Variants in WDR70 observed in about 807,000 individuals in gnomAD.
WDR70 encodes WD repeat domain 70.
A neutral mutation model predicts 88.6 loss-of-function variants in WDR70; 53 were observed. The ratio of observed to expected loss-of-function variants is 0.60; its 90% CI spans 0.48 to 0.75. The LOEUF is 0.75. Ranked by LOEUF, WDR70 falls within the 30% of genes least tolerant of loss-of-function variation. WDR70 has a pLI of 0.00. For synonymous variants in WDR70, 280 were observed against 270.0 expected (o/e 1.04, Z -0.36); for missense variants, 610 against 823.2 (o/e 0.74, Z 3.17).
intron 5 of WDR70, among the ~76,000 whole-genome samples, chr5:37,435,076 T>C (rs1750427533): frequency 6.6e-6 from 1 of 152,220 alleles, no homozygotes; most frequent in Non-Finnish European, 1.5e-5. Context: ...CAGTAAAACT[T>C]TGATTTTAAA....
chr5:37,654,327 G>T (rs1057153502), intron 10 of WDR70, among the ~76,000 whole-genome samples: 3 of 152,118 alleles, frequency 2.0e-5, no homozygotes, highest in African/African-American at 7.2e-5. Context: ...CATGATTTCT[G>T]TTCTTTTGCA....
At chr5:37,432,047 T>A (rs1248150433) in intron 5 of WDR70, among the ~76,000 whole-genome samples, 1 of 152,238 alleles carries the variant, frequency 6.6e-6, no homozygotes, top group Non-Finnish European at 1.5e-5. Flanking sequence ...GACTCTGCTT[T>A]CAATTCTTTT....
At chr5:37,384,028 G>C (rs1748518245) in intron 3 of WDR70, among the ~76,000 whole-genome samples, 1 of 152,030 alleles carries the variant, frequency 6.6e-6, no homozygotes. Flanking sequence ...GCAAATCTTG[G>C]ACATCATTTT....
At chr5:37,488,221 A>G (rs1198219568) in intron 8 of WDR70, among the ~76,000 whole-genome samples, 1 of 144,792 alleles carries the variant, frequency 6.9e-6, no homozygotes, top group Non-Finnish European at 1.5e-5. Flanking sequence ...TTTTGCTGTT[A>G]TTAGAATTTC....
At chr5:37,603,053 G>A (rs1208237775) in intron 9 of WDR70, among the ~76,000 whole-genome samples, 3 of 151,920 alleles carry the variant, frequency 2.0e-5, no homozygotes, top group African/African-American at 7.3e-5. Flanking sequence ...AATTAATGTT[G>A]CTGACATGTC....
At chr5:37,594,768 T>A (rs769721354) in intron 9 of WDR70, among the ~76,000 whole-genome samples, 1 of 152,250 alleles carries the variant, frequency 6.6e-6, no homozygotes, top group Non-Finnish European at 1.5e-5. Flanking sequence ...TTCCTATCCA[T>A]GAGCCTGGAA....
intron 10 of WDR70, among the ~76,000 whole-genome samples, chr5:37,606,028 A>T (rs752158904): frequency 6.6e-6 from 1 of 152,172 alleles, no homozygotes; most frequent in Non-Finnish European, 1.5e-5. Flanking sequence ...ACATACTATA[A>T]ACTAGGCACT....
intron 10 of WDR70, among the ~76,000 whole-genome samples, chr5:37,685,073 G>C (rs1048411990): frequency 3.3e-5 from 5 of 152,064 alleles, no homozygotes; most frequent in African/African-American, 1.2e-4. Flanking sequence ...GGAGGGTCCA[G>C]TGTTCTCCAT....
intron 10 of WDR70, among the ~76,000 whole-genome samples, chr5:37,666,113 C>T (rs1342246925): frequency 5.9e-5 from 9 of 152,196 alleles, no homozygotes; most frequent in Admixed American, 2.6e-4. Context: ...AGGGGGGCAC[C>T]GCCGGGCTTT....
intron 8 of WDR70, among the ~76,000 whole-genome samples, chr5:37,481,103 G>A (rs927184984): frequency 7.9e-5 from 12 of 152,302 alleles, no homozygotes; most frequent in South Asian, 6.2e-4. Flanking sequence ...GGGCAGCCCC[G>A]CCCCTGTGGC....
intron 8 of WDR70, 73 bp from the exon 9 acceptor site, chr5:37,516,441 A>C (rs978847535): frequency 4.9e-6 from 4 of 813,724 alleles, no homozygotes; most frequent in Non-Finnish European, 7.9e-6. Context: ...TAAAAATGAC[A>C]TGTCAGTTTC....
rs578084264 is a variant in WDR70, at chr5:37,741,164, C to T, written c.1878-11322C>T. ...GCTCTAGGTTGGAGGCTAAGGCCCT[C>T]TCCAAGGCACCTCCTTTTTGTCCCA... is the stretch of plus-strand genomic sequence containing the variant. On this transcript the variant is annotated intron_variant, in intron 17 of 17. Transcript: ENST00000265107. Among the ~76,000 whole-genome samples the T allele has an allele frequency of 3.9e-5, 6 of 152,004 alleles. No homozygotes were observed. In the East Asian group the frequency reaches 9.7e-4, roughly 25 times the overall value.
chr5:37,575,240 T>G (rs1221128571), intron 9 of WDR70, among the ~76,000 whole-genome samples: 2 of 152,202 alleles, frequency 1.3e-5, no homozygotes, highest in African/African-American at 2.4e-5. Context: ...AAATACGTAT[T>G]TGGTCTCAGT....
chr5:37,669,223 A>G (rs1456125157), intron 10 of WDR70, among the ~76,000 whole-genome samples: 2 of 152,168 alleles, frequency 1.3e-5, no homozygotes, highest in Non-Finnish European at 2.9e-5. Flanking sequence ...TTGTAAATGT[A>G]GATTCCAAAA....
At chr5:37,465,334 C>CACACATTCTG (rs1476051287) in intron 7 of WDR70, among the ~76,000 whole-genome samples, 2 of 152,160 alleles carry the variant, frequency 1.3e-5, no homozygotes, top group East Asian at 3.9e-4. Context: ...TTCACATTGT[C>CACACATTCTG]ACACATTCTA....
intron 16 of WDR70, among the ~76,000 whole-genome samples, chr5:37,725,760 C>T (rs1031235261): frequency 6.6e-6 from 1 of 151,932 alleles, no homozygotes; most frequent in East Asian, 1.9e-4. Context: ...AACTATGCAC[C>T]TTAGTCTCAA....
intron 9 of WDR70, among the ~76,000 whole-genome samples, chr5:37,577,630 CAGA>C (rs1743096801): frequency 1.3e-5 from 2 of 152,024 alleles, no homozygotes; most frequent in African/African-American, 4.8e-5. Flanking sequence ...ATATTCTAGA[CAGA>C]AGGCTACATG....
chr5:37,468,608 A>G (rs1050084344), intron 7 of WDR70, among the ~76,000 whole-genome samples: 4 of 152,124 alleles, frequency 2.6e-5, no homozygotes, highest in African/African-American at 7.2e-5. Context: ...AAAATTCAAA[A>G]TCTACTCTTC....
At chr5:37,648,478 A>C (rs1334076930) in intron 10 of WDR70, among the ~76,000 whole-genome samples, 1 of 152,076 alleles carries the variant, frequency 6.6e-6, no homozygotes, top group African/African-American at 2.4e-5. Flanking sequence ...ACTACTTAAT[A>C]ACTTTTAAAA....
Sources: allele counts gnomAD v4.1 joint callset (sites outside exome capture counted in the v4.1 genomes callset), GRCh38; gene constraint gnomAD v4.1.1; transcripts MANE v1.5; gene names NCBI Gene and HGNC (gene_info 2026-07-23, HGNC 2026-07-21).